The following CHAF1A variants were observed in gnomAD, a reference collection of about 807,000 sequenced individuals.
CHAF1A encodes chromatin assembly factor 1 subunit A.
In CHAF1A, 5 loss-of-function variants were observed where a neutral mutation model predicts 93.2. That is an observed-to-expected ratio of 0.05 (90% confidence interval 0.03 to 0.11). The LOEUF is 0.11. CHAF1A is among the 10% of genes least tolerant of loss of function. CHAF1A has a pLI of 1.00. For missense variants in CHAF1A, 1,102 were observed against 1,259.9 expected, an observed-to-expected ratio of 0.87 and a Z score of 1.90; for synonymous variants, 504 against 510.3, an observed-to-expected ratio of 0.99 and a Z score of 0.17.
rs1191235123 is a variant in CHAF1A, at chr19:4,433,608, G to GT, written c.2673+78dup. 4.3e-3 allele frequency: 5,375 copies of GT among 1,261,280 alleles called. No homozygotes were observed. Among genetic ancestry groups the GT allele is most frequent in the Non-Finnish European group, 5.0e-3 (4,634 of 928,962 alleles). 78.1% of individuals were successfully genotyped at this position (1,261,280 alleles called of 1,614,324 possible). On this transcript the variant is annotated intron_variant, in intron 13 of 14. Coordinates refer to ENST00000301280, the MANE Select transcript of CHAF1A (RefSeq NM_005483.3). This position sits in a 1 kb window ranked among gnomAD's most constrained non-coding sequence, Gnocchi z 5.6. The stretch of plus-strand genomic sequence containing the variant: ...TTTTTTGTTTGTTTTTTGTTGTTTT[G>GT]TTTTTTTTTCGAGATGGAGTCCTGC...
rs1047195078 is a variant in CHAF1A, at chr19:4,428,235, G to A, written c.1378-429G>A. ...TCGAACTCCTGACCTCAGGTGATCC[G>A]CCCTCCTCAGCCTCCCAAAGTGGTG... On this transcript the variant is annotated intron_variant, in intron 7 of 14. Coordinates refer to ENST00000301280, the MANE Select transcript of CHAF1A (RefSeq NM_005483.3). 4.0e-5 allele frequency among the ~76,000 whole-genome samples: 6 copies of A among 149,510 alleles called. No homozygotes were observed. The East Asian group carries it at 9.8e-4, about 25-fold the overall frequency.
At chr19:4,413,065 ACT>A (rs1973835606) in intron 3 of CHAF1A, among the ~76,000 whole-genome samples, 1 of 151,346 alleles carries the variant, frequency 6.6e-6, no homozygotes, top group Non-Finnish European at 1.5e-5. Flanking sequence ...TTGGTACCTA[ACT>A]CTTTTTTATT....
intron 4 of CHAF1A, among the ~76,000 whole-genome samples, chr19:4,419,331 C>T (rs536132139): frequency 1.3e-5 from 2 of 152,288 alleles, no homozygotes; most frequent in Non-Finnish European, 2.9e-5. Flanking sequence ...TCTGCGTTTA[C>T]TGAGTGTTTC....
chr19:4,418,834 A>G (rs987448775), intron 4 of CHAF1A, among the ~76,000 whole-genome samples: 1 of 151,908 alleles, frequency 6.6e-6, no homozygotes, highest in Non-Finnish European at 1.5e-5. Flanking sequence ...GGGCATCACC[A>G]CGTTTTCCAC....
chr19:4,406,457 C>T lies in CHAF1A; in HGVS notation c.103+495C>T, dbSNP rs536929782. 1.7e-4 allele frequency among the ~76,000 whole-genome samples: 23 copies of T among 132,294 alleles called. No homozygotes were observed. In the East Asian group the frequency reaches 3.4e-3, roughly 20 times the overall value. The allele number at this position is 132,294 out of a possible 152,430, so 86.8% of individuals were successfully genotyped here. A position where few individuals can be genotyped will look rare whatever the true frequency, so the allele number is the denominator to read the frequency against. On this transcript the variant is annotated intron_variant, in intron 2 of 14. Transcript: ENST00000301280. ...AATTTTTTTTTTTTTTTTTTTGAGA[C>T]GGAGTCTCATTCTGTTGCCCAGGCT... is the stretch of plus-strand genomic sequence containing the variant.
chr19:4,412,435 G>A lies in CHAF1A; in HGVS notation c.960+2676G>A, dbSNP rs1185483030. 8.5e-5 allele frequency among the ~76,000 whole-genome samples: 13 copies of A among 152,254 alleles called. No individual in the cohort carries two copies. The South Asian group carries it at 1.5e-3, about 17-fold the overall frequency. On this transcript the variant is annotated intron_variant, in intron 3 of 14. Transcript: ENST00000301280. Reference sequence around the variant, plus strand: ...GACGCTTGCCTGTAATCCCAGCTACGCCGGAGGCTGAGGCGGGAGAACCGC... The same window carrying A: ...GACGCTTGCCTGTAATCCCAGCTACACCGGAGGCTGAGGCGGGAGAACCGC...
Position 4,409,742 on chromosome 19 carries a change from T to G in CHAF1A, c.943T>G (p.Ser315Ala), listed in dbSNP as rs1229010592. 1.2e-6 allele frequency: 2 copies of G among 1,610,374 alleles called. No homozygotes were observed. Among genetic ancestry groups the G allele is most frequent in the African/African-American group, 2.7e-5 (2 of 74,810 alleles). The stretch of plus-strand genomic sequence containing the variant: ...CAGCAGTACCAGTCCCTTCCCCACC[T>G]CCACGCCCCTCCGCAGAGTGAGTAT... ...QHSSTSPFPT[S>A]TPLRRITKKF... The change falls in exon 3 of 15, where the codon TCC becomes GCC. Residue 315 changes from serine (S) to alanine (A), a missense_variant. Physicochemically the swap from Ser to Ala is moderately conservative, Grantham distance 99. This residue lies in a region of CHAF1A where 379 missense variants were observed against 365.7 expected (regional missense o/e 1.04). Transcript: ENST00000301280.
chr19:4,445,884 G>T, downstream of CHAF1A: 1 of 1,212,410 alleles, frequency 8.2e-7, no homozygotes, highest in Non-Finnish European at 1.1e-6. Context: ...GAACTTGCTC[G>T]AGGCCCTGCT....
chr19:4,439,904 C>T (rs1974354586), intron 13 of CHAF1A, among the ~76,000 whole-genome samples: 1 of 152,186 alleles, frequency 6.6e-6, no homozygotes, highest in Admixed American at 6.5e-5. Flanking sequence ...CAAGATGTTT[C>T]TCCTGTGTCC....
At position 4,443,262 on chromosome 19, in the gene CHAF1A, G is replaced by A. The variant is rs1239178556; in HGVS notation, c.*237G>A. The A allele has an allele frequency of 1.6e-5, 8 of 504,608 alleles. No individual in the cohort carries two copies. Among genetic ancestry groups the A allele is most frequent in the Non-Finnish European group, 2.9e-5 (8 of 275,090 alleles). 31.3% of individuals were successfully genotyped at this position (504,608 alleles called of 1,614,324 possible). The stretch of plus-strand genomic sequence containing the variant: ...TTATTGAGATTGCTGGCCTATTGGG[G>A]AAGCCTGCGGGCACAGGAGCAGGCG... On this transcript the variant is annotated 3_prime_UTR_variant, in exon 15 of 15. Transcript: ENST00000301280.
At chr19:4,442,106 T>C in intron 13 of CHAF1A, 139 bp from the exon 14 acceptor site, 1 of 660,942 alleles carries the variant, frequency 1.5e-6, no homozygotes, top group East Asian at 2.6e-5. Context: ...TGTTACCAAA[T>C]TGGGTTCTGG....
Position 4,443,161 on chromosome 19 carries a change from G to A in CHAF1A, c.*136G>A, listed in dbSNP as rs926706052. 8 of 704,120 alleles carry A rather than the reference G, an allele frequency of 1.1e-5. No homozygotes were observed. Among genetic ancestry groups the A allele is most frequent in the Admixed American group, 2.1e-5 (1 of 47,060 alleles). The allele number at this position is 704,120 out of a possible 1,614,324, so 43.6% of individuals were successfully genotyped here. A position where few individuals can be genotyped will look rare whatever the true frequency, so the allele number is the denominator to read the frequency against. ...CCAAAGTGTGCAGAGTTCTATATAG[G>A]ATGCTGGATTAGTTCCTTTGATATT... is the stretch of plus-strand genomic sequence containing the variant. On this transcript the variant is annotated 3_prime_UTR_variant, in exon 15 of 15. Coordinates refer to ENST00000301280, the MANE Select transcript of CHAF1A (RefSeq NM_005483.3).
At chr19:4,448,559 A>T (rs1974589675), downstream of CHAF1A, 1 of 697,164 alleles carries the variant, frequency 1.4e-6, no homozygotes, top group Non-Finnish European at 2.5e-6. Flanking sequence ...AGAAAGGAAA[A>T]GAGAGACCCT....
chr19:4,445,844 G>T, downstream of CHAF1A: 1 of 1,048,696 alleles, frequency 9.5e-7, no homozygotes. Context: ...GCTCCCATTT[G>T]ATGGGGAAAC....
chr19:4,408,681 G>T (rs2145067667), intron 2 of CHAF1A, among the ~76,000 whole-genome samples: 1 of 151,310 alleles, frequency 6.6e-6, no homozygotes, highest in South Asian at 2.1e-4. Flanking sequence ...CACCATTTTG[G>T]TCTGGCTGGT....
At chr19:4,405,800 CA>C (rs995969247) in intron 1 of CHAF1A, 111 bp from the exon 2 acceptor site, 6 of 885,212 alleles carry the variant, frequency 6.8e-6, no homozygotes, top group Non-Finnish European at 1.1e-5. Flanking sequence ...CCCCCGAGGA[CA>C]GAGGGGTCAG....
In CHAF1A at chr19:4,442,429, C is replaced by T. The variant is rs111459070; in HGVS notation, c.2770+88C>T. Reference sequence around the variant, plus strand: ...AGAGAAGGGATGGGGCTGCCTAAGACTAGCTCCACTGTGAGCAGCCAGGAG... The same window carrying T: ...AGAGAAGGGATGGGGCTGCCTAAGATTAGCTCCACTGTGAGCAGCCAGGAG... On this transcript the variant is annotated intron_variant, in intron 14 of 14. Coordinates refer to ENST00000301280, the MANE Select transcript of CHAF1A (RefSeq NM_005483.3). 72 of 1,092,890 alleles carry T rather than the reference C, an allele frequency of 6.6e-5. 1 individual carries two copies. In the African/African-American group the frequency reaches 9.4e-4, roughly 14 times the overall value. The allele number at this position is 1,092,890 out of a possible 1,614,324, so 67.7% of individuals were successfully genotyped here. A position where few individuals can be genotyped will look rare whatever the true frequency, so the allele number is the denominator to read the frequency against.
chr19:4,406,529 G>T (rs1353763971), intron 2 of CHAF1A, among the ~76,000 whole-genome samples: 2 of 151,536 alleles, frequency 1.3e-5, no homozygotes, highest in Non-Finnish European at 2.9e-5. Flanking sequence ...CCGCCTCCTG[G>T]GTTCAAGCAA....
At chr19:4,448,610 C>T (rs749243018), downstream of CHAF1A, 29 of 597,860 alleles carry the variant, frequency 4.9e-5, no homozygotes, top group Admixed American at 2.9e-4. Context: ...GCAGAGGCGA[C>T]GCAGCCAAGA....
Sources: allele counts gnomAD v4.1 joint callset (sites outside exome capture counted in the v4.1 genomes callset), GRCh38; gene constraint gnomAD v4.1.1; regional missense constraint gnomAD v4.1.1; non-coding constraint Gnocchi (gnomAD v3.1); transcripts MANE v1.5; gene names NCBI Gene and HGNC (gene_info 2026-07-23, HGNC 2026-07-21).